The following ERMP1 variants were observed in gnomAD, a reference collection of about 807,000 sequenced individuals.
The protein encoded by ERMP1 is Felix-ina.
A neutral mutation model predicts 92.0 loss-of-function variants in ERMP1; 86 were observed. The observed-to-expected ratio is 0.93, with a 90% confidence interval of 0.79 to 1.12. The LOEUF (loss-of-function observed/expected upper bound fraction) is 1.12, where lower values mean the gene tolerates loss of function less well. Ranked by LOEUF, ERMP1 falls within the 50% of genes most tolerant of loss-of-function variation. The pLI is 0.00. For missense variants in ERMP1, 1,342 were observed against 1,116.3 expected (o/e 1.20, Z -2.88); for synonymous variants, 530 against 412.8 (o/e 1.28, Z -3.44).
chr9:5,854,585 G>A (rs1282138866), intron 6 of ERMP1, among the ~76,000 whole-genome samples: 1 of 152,150 alleles, frequency 6.6e-6, no homozygotes, highest in Admixed American at 6.5e-5. Context: ...AGGCTGGAGT[G>A]CAGTGGTGTG....
chr9:5,812,567 A>G (rs1300896038), intron 5 of ERMP1, among the ~76,000 whole-genome samples: 1 of 152,216 alleles, frequency 6.6e-6, no homozygotes, highest in Non-Finnish European at 1.5e-5. Context: ...AGTTGTACAT[A>G]CAAGTTGCCA....
chr9:5,786,430 A>AGG lies in ERMP1; in HGVS notation c.*712_*713dup, dbSNP rs1226600280. 6.6e-6 allele frequency: 1 copy of AGG among 152,212 alleles called. No homozygotes were observed. Among genetic ancestry groups the AGG allele is most frequent in the Non-Finnish European group, 1.5e-5 (1 of 68,070 alleles). The allele number at this position is 152,212 out of a possible 1,614,324, so 9.4% of individuals were successfully genotyped here. A position where few individuals can be genotyped will look rare whatever the true frequency, so the allele number is the denominator to read the frequency against. ...CCCTTTTCAACTTGGTAAGATGGAG[A>AGG]GGGGTAACAGACATGTTTCAGAGGA... On this transcript the variant is annotated 3_prime_UTR_variant, in exon 15 of 15. Transcript: ENST00000339450.
intron 6 of ERMP1, among the ~76,000 whole-genome samples, chr9:5,841,518 C>T (rs933178495): frequency 1.3e-5 from 2 of 152,142 alleles, no homozygotes; most frequent in Non-Finnish European, 2.9e-5. Context: ...TGTTTTGGGG[C>T]CAGGTGTGGT....
chr9:5,797,385 C>T (rs1043583520), intron 13 of ERMP1, among the ~76,000 whole-genome samples: 3 of 152,026 alleles, frequency 2.0e-5, no homozygotes, highest in Non-Finnish European at 4.4e-5. Flanking sequence ...CGTGGTGGCT[C>T]ATACCTGTAA....
chr9:5,810,685 C>G (rs1019923629), intron 7 of ERMP1, among the ~76,000 whole-genome samples: 34 of 151,932 alleles, frequency 2.2e-4, no homozygotes, highest in African/African-American at 7.7e-4. Flanking sequence ...AATATTTTAT[C>G]TCGTAACAGC....
chr9:5,826,172 C>T lies in ERMP1; in HGVS notation c.641-953G>A, dbSNP rs567849565. Among the ~76,000 whole-genome samples, 9 of 152,278 alleles carry T rather than the reference C, an allele frequency of 5.9e-5. No individual in the cohort carries two copies. In the South Asian group the frequency reaches 1.9e-3, roughly 32 times the overall value. Reference sequence around the variant, plus strand: ...GACTGCTGAAGCTGGGAGATAAGTACACTGGGGTTCATTAAACAATTCTGC... The same window carrying T: ...GACTGCTGAAGCTGGGAGATAAGTATACTGGGGTTCATTAAACAATTCTGC... On this transcript the variant is annotated intron_variant, in intron 2 of 14. Coordinates refer to ENST00000339450, the MANE Select transcript of ERMP1 (RefSeq NM_024896.3).
rs1206312461 is a variant in ERMP1, at chr9:5,832,711, T to TCCCCGCGGTGTCCAGCGG, written c.299_316dup (p.Ala100_Gly105dup). 8.1e-6 allele frequency: 12 copies of TCCCCGCGGTGTCCAGCGG among 1,483,334 alleles called. No individual in the cohort carries two copies. Among genetic ancestry groups the TCCCCGCGGTGTCCAGCGG allele is most frequent in the Non-Finnish European group, 8.0e-6 (9 of 1,125,144 alleles). The allele number at this position is 1,483,334 out of a possible 1,614,324, so 91.9% of individuals were successfully genotyped here. A position where few individuals can be genotyped will look rare whatever the true frequency, so the allele number is the denominator to read the frequency against. ...GTACCTGGCTTGGAGCGCGTCGAAC[T>TCCCCGCGGTGTCCAGCGG]CCCCGCGGTGTCCAGCGGCCCCGCG... On this transcript the variant is annotated inframe_insertion, in exon 1 of 15. Transcript: ENST00000339450.
chr9:5,818,405 C>G (rs1829402813), intron 4 of ERMP1, among the ~76,000 whole-genome samples: 1 of 152,238 alleles, frequency 6.6e-6, no homozygotes, highest in African/African-American at 2.4e-5. Context: ...AAAGGTATTT[C>G]CAATTTTCTA....
At chr9:5,809,901 C>T in intron 8 of ERMP1, 110 bp downstream of exon 8, 1 of 717,536 alleles carries the variant, frequency 1.4e-6, no homozygotes, top group South Asian at 1.7e-5. Context: ...CATAACCATG[C>T]TGAACAATTT....
At chr9:5,800,259 T>C (rs1024088564) in intron 11 of ERMP1, among the ~76,000 whole-genome samples, 1 of 152,186 alleles carries the variant, frequency 6.6e-6, no homozygotes, top group Non-Finnish European at 1.5e-5. Flanking sequence ...ATGAGAACTT[T>C]TAAAAACAAT....
chr9:5,863,665 C>A (rs540180708), intron 5 of ERMP1, among the ~76,000 whole-genome samples: 2 of 152,128 alleles, frequency 1.3e-5, no homozygotes, highest in East Asian at 3.9e-4. Flanking sequence ...GCTTGCCTGC[C>A]CTTGGGAAGC....
chr9:5,814,713 G>C (rs7858092), intron 4 of ERMP1, among the ~76,000 whole-genome samples: 49,464 of 151,992 alleles, frequency 0.33, 8,829 homozygotes, highest in East Asian at 0.59. Flanking sequence ...CTGGGTGACA[G>C]AGTGAGACTC....
chr9:5,861,197 G>GTGTGTGTGTGTGTGTA (rs1830482481), intron 5 of ERMP1, among the ~76,000 whole-genome samples: 5 of 148,630 alleles, frequency 3.4e-5, no homozygotes, highest in African/African-American at 1.0e-4. Flanking sequence ...GTGTGTGTGT[G>GTGTGTGTGTGTGTGTA]TGTGTGTGTG....
intron 11 of ERMP1, 131 bp from the exon 12 acceptor site, chr9:5,799,139 A>G: frequency 1.6e-6 from 1 of 630,156 alleles, no homozygotes; most frequent in South Asian, 2.0e-5. Context: ...AGACACTGAG[A>G]GTTTCTAAGG....
chr9:5,861,717 G>GTT (rs34804675), intron 5 of ERMP1, among the ~76,000 whole-genome samples: 40,339 of 66,622 alleles, frequency 0.61, 11,707 homozygotes, highest in South Asian at 0.73. Context: ...GAGAGGAAGG[G>GTT]TTTTTTTTTT....
chr9:5,830,492 T>C (rs1024249457), intron 2 of ERMP1, among the ~76,000 whole-genome samples: 2 of 152,162 alleles, frequency 1.3e-5, no homozygotes, highest in African/African-American at 4.8e-5. Context: ...CCAAGTCTTA[T>C]CACTGGGCTG....
At chr9:5,846,788 G>A (rs1048595568) in intron 6 of ERMP1, among the ~76,000 whole-genome samples, 5 of 152,192 alleles carry the variant, frequency 3.3e-5, no homozygotes, top group African/African-American at 7.2e-5. Context: ...TGAAAGGATG[G>A]AGGACTTGTT....
chr9:5,803,875 A>C (rs1828768917), intron 10 of ERMP1, among the ~76,000 whole-genome samples: 1 of 152,200 alleles, frequency 6.6e-6, no homozygotes. Flanking sequence ...TGGAAGGCTC[A>C]GATCTCTTTT....
At chr9:5,818,036 A>C (rs1304451803) in intron 4 of ERMP1, among the ~76,000 whole-genome samples, 2 of 152,080 alleles carry the variant, frequency 1.3e-5, no homozygotes, top group African/African-American at 4.8e-5. Context: ...CACATGGTGG[A>C]TCTATCGATT....
Sources: allele counts gnomAD v4.1 joint callset (sites outside exome capture counted in the v4.1 genomes callset), GRCh38; gene constraint gnomAD v4.1.1; transcripts MANE v1.5; gene names NCBI Gene and HGNC (gene_info 2026-07-23, HGNC 2026-07-21).